Variants in COL5A1 observed in about 807,000 individuals in gnomAD.
The protein encoded by COL5A1 is collagen type V alpha 1 chain, also known as collagen alpha-1(V) chain.
In COL5A1, 16 loss-of-function variants were observed where a neutral mutation model predicts 263.7. The observed-to-expected ratio is 0.06, with a 90% CI of 0.04 to 0.09. The LOEUF (loss-of-function observed/expected upper bound fraction) is 0.09, where lower values mean the gene tolerates loss of function less well. Ranked by LOEUF, COL5A1 falls within the 10% of genes least tolerant of loss-of-function variation. The probability of loss-of-function intolerance (pLI) is 1.00; values close to 1 mark genes in which losing one functional copy is unlikely to be tolerated. For missense variants in COL5A1, 2,036 were observed against 2,540.5 expected (o/e 0.80, Z 4.27); for synonymous variants, 1,012 against 1,004.5 (o/e 1.01, Z -0.14).
In COL5A1 at chr9:134,802,672, G is replaced by A. The variant is rs3811155; in HGVS notation, c.3007-216G>A. On this transcript the variant is annotated intron_variant, in intron 38 of 65. Coordinates refer to ENST00000371817, the MANE Select transcript of COL5A1 (RefSeq NM_000093.5). The stretch of plus-strand genomic sequence containing the variant: ...GCCAGGTGGGGGAAGAGGGCCACGC[G>A]GGGCCCAGCAGATGCCAGGCAGTGA... 0.15 allele frequency among the ~76,000 whole-genome samples: 23,434 copies of A among 152,100 alleles called. 2,048 individuals carry two copies. The highest frequency in any genetic ancestry group is 0.21 in the Non-Finnish European group (13,950 of 67,912).
chr9:134,728,842 C>A lies in COL5A1; in HGVS notation c.924+35C>A, dbSNP rs112243377. The A allele has an allele frequency of 3.5e-3, 5,686 of 1,613,378 alleles. 161 individuals are homozygous for A. In the African/African-American group the frequency reaches 0.061, roughly 17 times the overall value. ...GAGCGGGGGACTGGGTTGGGCTGGG[C>A]CCCTCGAGGCCATGGTGCAGGGGAG... is the stretch of plus-strand genomic sequence containing the variant. On this transcript the variant is annotated intron_variant, in intron 6 of 65. Transcript: ENST00000371817.
rs985187263 is a variant in COL5A1 at position 134,677,254 on chromosome 9, A to G, written c.110-13658A>G. Among the ~76,000 whole-genome samples, 17 of 152,078 alleles carry G rather than the reference A, an allele frequency of 1.1e-4. 1 individual carries two copies. The highest frequency in any genetic ancestry group is 1.1e-3 in the Admixed American group (17 of 15,260). On this transcript the variant is annotated intron_variant, in intron 1 of 65. Coordinates refer to ENST00000371817, the MANE Select transcript of COL5A1 (RefSeq NM_000093.5). This position sits in a 1 kb window ranked among gnomAD's most constrained non-coding sequence, Gnocchi z 4.4. ...GCCTGAAAGTCCAGCCTTTTTATCC[A>G]GATCTCAGCTACCAGTCATGGCTTC...
intron 35 of COL5A1, 70 bp from the exon 36 acceptor site, chr9:134,796,772 CGGCACA>C (rs1192693800): frequency 1.0e-5 from 14 of 1,368,430 alleles, no homozygotes; most frequent in Non-Finnish European, 1.0e-6. Flanking sequence ...AGAGAGCCAC[CGGCACA>C]GGCAGGTCAG....
In COL5A1 at chr9:134,758,156, G is replaced by A. The variant is rs375462347; in HGVS notation, c.1882-87G>A. On this transcript the variant is annotated intron_variant, in intron 17 of 65. Coordinates refer to ENST00000371817, the MANE Select transcript of COL5A1 (RefSeq NM_000093.5). The surrounding 1 kb of genome is among the most constrained non-coding windows in gnomAD (Gnocchi z 4.1). ...TGCTGTGTGAAACGTGGTCCAAGGC[G>A]GGGCGGCCATCACTTGGTGGACACC... 74 of 1,370,914 alleles carry A rather than the reference G, an allele frequency of 5.4e-5. No individual in the cohort carries two copies. The highest frequency in any genetic ancestry group is 3.7e-4 in the African/African-American group (26 of 70,316). The allele number at this position is 1,370,914 out of a possible 1,614,324, so 84.9% of individuals were successfully genotyped here.
At chr9:134,664,153 G>A (rs993277544) in intron 1 of COL5A1, among the ~76,000 whole-genome samples, 10 of 152,180 alleles carry the variant, frequency 6.6e-5, no homozygotes, top group African/African-American at 2.4e-4. Context: ...GGGCTAGAGT[G>A]TTGCAGAATC....
At chr9:134,662,491 C>G (rs1209916759) in intron 1 of COL5A1, among the ~76,000 whole-genome samples, 1 of 152,260 alleles carries the variant, frequency 6.6e-6, no homozygotes, top group African/African-American at 2.4e-5. Context: ...CCCCAGCACC[C>G]TTCCTGACCC....
At chr9:134,675,168 G>T (rs767901837) in intron 1 of COL5A1, among the ~76,000 whole-genome samples, 2 of 152,156 alleles carry the variant, frequency 1.3e-5, no homozygotes, top group Non-Finnish European at 2.9e-5. Flanking sequence ...TAATTGTTGG[G>T]TGAGCGTTTT....
At chr9:134,785,225 G>A (rs1837413160) in intron 30 of COL5A1, 129 bp downstream of exon 30, 2 of 676,264 alleles carry the variant, frequency 3.0e-6, no homozygotes, top group Non-Finnish European at 5.2e-6. Flanking sequence ...GCGGGCTCCT[G>A]TCTCCACCCT....
chr9:134,655,083 G>T (rs1226580724), intron 1 of COL5A1, among the ~76,000 whole-genome samples: 2 of 138,306 alleles, frequency 1.4e-5, no homozygotes, highest in Non-Finnish European at 3.2e-5. Context: ...TAGGGCTAGG[G>T]GTGTGTAGGG....
At chr9:134,736,753 C>T (rs1020210922) in intron 9 of COL5A1, among the ~76,000 whole-genome samples, 14 of 152,228 alleles carry the variant, frequency 9.2e-5, no homozygotes, top group Non-Finnish European at 8.8e-5. Context: ...AAATCCCTGT[C>T]CAGCTGTGAG....
chr9:134,709,320 G>GC (rs1283379180), intron 4 of COL5A1: 1 of 289,728 alleles, frequency 3.5e-6, no homozygotes, highest in Non-Finnish European at 6.7e-6. Context: ...GGGGTGGGGG[G>GC]GCTACTCCTG....
chr9:134,750,530 C>T lies in COL5A1; in HGVS notation c.1495-12C>T. The T allele has an allele frequency of 6.2e-7, 1 of 1,613,492 alleles. No homozygotes were observed. The highest frequency in any genetic ancestry group is 8.5e-7 in the Non-Finnish European group (1 of 1,179,782). On this transcript the variant is annotated splice_polypyrimidine_tract_variant and intron_variant, in intron 11 of 65. Transcript: ENST00000371817. ...GCACTCTGACTTGTCTCTCTTGGCC[C>T]CTTGTCTTCAGGGCCCCCCTGGACG...
intron 36 of COL5A1, 35 bp from the exon 37 acceptor site, chr9:134,798,373 C>CT (rs1564466114): frequency 6.2e-7 from 1 of 1,606,066 alleles, no homozygotes; most frequent in Admixed American, 1.7e-5. Context: ...TTCTCAGACA[C>CT]GAATGAACCT....
intron 9 of COL5A1, chr9:134,732,675 G>A (rs540802939): frequency 1.0e-3 from 198 of 190,286 alleles, no homozygotes; most frequent in Non-Finnish European, 1.6e-3. Flanking sequence ...TGAAATTCCA[G>A]CTGAGTAAAA....
chr9:134,709,223 T>G, intron 4 of COL5A1: 1 of 336,778 alleles, frequency 3.0e-6, no homozygotes, highest in Non-Finnish European at 5.8e-6. Flanking sequence ...AGAGCACGTG[T>G]GCTTAAAAGT....
At chr9:134,802,108 G>A in intron 38 of COL5A1, 101 bp downstream of exon 38, 1 of 1,200,850 alleles carries the variant, frequency 8.3e-7, no homozygotes, top group Non-Finnish European at 1.2e-6. Flanking sequence ...CGATTCCGGA[G>A]GTGCAGGTAC....
In COL5A1 at chr9:134,731,985, G is replaced by A. The variant is rs565981960; in HGVS notation, c.1333-86G>A. 2.5e-4 allele frequency: 379 copies of A among 1,513,858 alleles called. 2 individuals are homozygous for A. The East Asian group carries it at 8.2e-3, about 33-fold the overall frequency. The allele number at this position is 1,513,858 out of a possible 1,614,324, so 93.8% of individuals were successfully genotyped here. The stretch of plus-strand genomic sequence containing the variant: ...GCTACGATAGTGCCCTCGGCCTTGC[G>A]AAATCGGGCAGATTTTGTGTAATCT... On this transcript the variant is annotated intron_variant, in intron 8 of 65. Coordinates refer to ENST00000371817, the MANE Select transcript of COL5A1 (RefSeq NM_000093.5).
chr9:134,771,577 A>G (rs1170752795), intron 25 of COL5A1, among the ~76,000 whole-genome samples: 1 of 152,262 alleles, frequency 6.6e-6, no homozygotes, highest in East Asian at 1.9e-4. Flanking sequence ...TGGACAGCTA[A>G]TAAAAACTTA....
chr9:134,730,593 C>A, intron 7 of COL5A1, 118 bp downstream of exon 7: 1 of 1,430,642 alleles, frequency 7.0e-7, no homozygotes, highest in Non-Finnish European at 9.7e-7. Flanking sequence ...CTCGGGTGGC[C>A]CCTGTGTTCC....
Sources: allele counts gnomAD v4.1 joint callset (sites outside exome capture counted in the v4.1 genomes callset), GRCh38; gene constraint gnomAD v4.1.1; non-coding constraint Gnocchi (gnomAD v3.1); transcripts MANE v1.5; gene names NCBI Gene and HGNC (gene_info 2026-07-23, HGNC 2026-07-21).